The following CFAP299 variants were observed in gnomAD, a reference collection of about 807,000 sequenced individuals.
The protein encoded by CFAP299 is cilia and flagella associated protein 299.
In CFAP299, 21 loss-of-function variants were observed where a neutral mutation model predicts 27.0. The ratio of observed to expected loss-of-function variants is 0.78; its 90% CI spans 0.55 to 1.12. The LOEUF is 1.12. CFAP299 is among the 50% of genes most tolerant of loss of function. CFAP299 has a pLI of 0.00. For missense variants in CFAP299, 310 were observed against 276.6 expected (o/e 1.12, Z -0.86); for synonymous variants, 104 against 98.1 (o/e 1.06, Z -0.36).
chr4:80,548,478 C>T (rs1468363608), intron 2 of CFAP299, among the ~76,000 whole-genome samples: 3 of 152,068 alleles, frequency 2.0e-5, no homozygotes, highest in East Asian at 3.9e-4. Flanking sequence ...GTATGTCAAG[C>T]CTTAGTGACA....
chr4:80,341,056 G>A (rs1033023912), intron 1 of CFAP299, among the ~76,000 whole-genome samples: 17 of 152,170 alleles, frequency 1.1e-4, no homozygotes, highest in Non-Finnish European at 7.4e-5. Flanking sequence ...GATTACAGGT[G>A]TGAGCCACCG....
At chr4:80,570,321 C>G (rs1735522475) in intron 2 of CFAP299, among the ~76,000 whole-genome samples, 2 of 151,682 alleles carry the variant, frequency 1.3e-5, no homozygotes, top group Non-Finnish European at 2.9e-5. Context: ...ATAGAAACTC[C>G]AATAAGAGCA....
chr4:80,334,543 T>C (rs1722050108), upstream of CFAP299, among the ~76,000 whole-genome samples: 1 of 152,194 alleles, frequency 6.6e-6, no homozygotes, highest in Non-Finnish European at 1.5e-5. Flanking sequence ...CCCAAAGTGC[T>C]GGGAGTCACT....
intron 2 of CFAP299, among the ~76,000 whole-genome samples, chr4:80,494,267 C>T (rs1460241138): frequency 6.6e-6 from 1 of 152,184 alleles, no homozygotes; most frequent in African/African-American, 2.4e-5. Context: ...GTATCTCAAG[C>T]TCTTCCCATT....
At chr4:80,441,196 T>C (rs917244426) in intron 2 of CFAP299, among the ~76,000 whole-genome samples, 1 of 152,084 alleles carries the variant, frequency 6.6e-6, no homozygotes, top group Non-Finnish European at 1.5e-5. Context: ...ATTTAGGAAA[T>C]ACAGAGAACA....
intron 4 of CFAP299, among the ~76,000 whole-genome samples, chr4:80,888,139 A>G (rs1236781691): frequency 1.3e-5 from 2 of 152,132 alleles, no homozygotes; most frequent in Admixed American, 6.5e-5. Context: ...TTATTTATCA[A>G]TAATATCATT....
At chr4:80,493,454 G>A (rs1349703425) in intron 2 of CFAP299, among the ~76,000 whole-genome samples, 1 of 152,176 alleles carries the variant, frequency 6.6e-6, no homozygotes, top group Admixed American at 6.5e-5. Flanking sequence ...TGCTTTGGCG[G>A]AGTCAGGGCA....
At chr4:80,960,050 C>T (rs921930445) in intron 5 of CFAP299, among the ~76,000 whole-genome samples, 2 of 150,372 alleles carry the variant, frequency 1.3e-5, no homozygotes, top group South Asian at 2.1e-4. Flanking sequence ...ATATAAAGCA[C>T]AGAAAATTAT....
intron 2 of CFAP299, among the ~76,000 whole-genome samples, chr4:80,395,145 G>A (rs571694844): frequency 4.0e-5 from 6 of 151,524 alleles, no homozygotes; most frequent in African/African-American, 1.5e-4. Context: ...TATCTCATTG[G>A]TTATTTCTAT....
At chr4:80,661,270 G>A (rs544819292) in intron 3 of CFAP299, among the ~76,000 whole-genome samples, 1 of 148,738 alleles carries the variant, frequency 6.7e-6, no homozygotes, top group African/African-American at 2.5e-5. Context: ...AGGTTGCAGT[G>A]AGCCCAGATT....
chr4:80,516,699 A>C (rs1000978932), intron 2 of CFAP299, among the ~76,000 whole-genome samples: 6 of 152,124 alleles, frequency 3.9e-5, no homozygotes, highest in Non-Finnish European at 5.9e-5. Flanking sequence ...TCAACATGAG[A>C]TTTGGAGAGG....
At chr4:80,471,823 G>A (rs543707586) in intron 2 of CFAP299, among the ~76,000 whole-genome samples, 1 of 152,146 alleles carries the variant, frequency 6.6e-6, no homozygotes, top group Admixed American at 6.5e-5. Flanking sequence ...CTGTAACTGC[G>A]AGATGGGAGA....
At chr4:80,697,542 T>C (rs772845184) in intron 3 of CFAP299, among the ~76,000 whole-genome samples, 10 of 152,148 alleles carry the variant, frequency 6.6e-5, no homozygotes, top group Non-Finnish European at 1.5e-4. Context: ...GAGAATCAAT[T>C]GTTCTTAATC....
chr4:80,799,827 TATTTATATATTATATTA>T (rs1418072138), intron 3 of CFAP299, among the ~76,000 whole-genome samples: 1 of 33,962 alleles, frequency 2.9e-5, no homozygotes, highest in African/African-American at 1.4e-4. Context: ...ATATTATATA[TATTTATATATTATATTA>T]TATAATATAT....
intron 3 of CFAP299, among the ~76,000 whole-genome samples, chr4:80,601,047 A>G (rs1045080196): frequency 6.6e-6 from 1 of 152,164 alleles, no homozygotes; most frequent in Admixed American, 6.6e-5. Flanking sequence ...TAAGACTCAT[A>G]TATGAGAGTG....
At chr4:80,712,493 G>A (rs1323868383) in intron 3 of CFAP299, among the ~76,000 whole-genome samples, 1 of 152,166 alleles carries the variant, frequency 6.6e-6, no homozygotes, top group Non-Finnish European at 1.5e-5. Flanking sequence ...GCTTGAGCTT[G>A]TAGTGCTGGC....
intron 3 of CFAP299, among the ~76,000 whole-genome samples, chr4:80,635,839 C>G (rs974423674): frequency 6.6e-6 from 1 of 152,016 alleles, no homozygotes; most frequent in East Asian, 1.9e-4. Context: ...CATGGGCCCT[C>G]ACATATAAAA....
At chr4:80,667,861 T>G (rs889019377) in intron 3 of CFAP299, among the ~76,000 whole-genome samples, 1 of 152,154 alleles carries the variant, frequency 6.6e-6, no homozygotes, top group Non-Finnish European at 1.5e-5. Context: ...CTGAATCATA[T>G]GGAAATTCTT....
At chr4:80,881,409 A>G (rs1733698816) in intron 4 of CFAP299, among the ~76,000 whole-genome samples, 1 of 152,196 alleles carries the variant, frequency 6.6e-6, no homozygotes, top group African/African-American at 2.4e-5. Context: ...AATCCCTGGA[A>G]AGGTATGCAA....
Sources: gnomAD v4.1 joint callset for allele counts (sites outside exome capture counted in the v4.1 genomes callset) on GRCh38, gnomAD v4.1.1 for gene constraint, MANE v1.5 for transcripts, NCBI Gene and HGNC (gene_info 2026-07-23, HGNC 2026-07-21) for gene names.